Variants in MTAP observed in about 807,000 individuals in gnomAD.
MTAP encodes methylthioadenosine phosphorylase.
In MTAP, 33 loss-of-function variants were observed where a neutral mutation model predicts 33.6. The observed-to-expected ratio is 0.98, with a 90% CI of 0.74 to 1.31. The LOEUF (loss-of-function observed/expected upper bound fraction) is 1.31. Ranked by LOEUF, MTAP falls within the 40% of genes most tolerant of loss-of-function variation. The pLI, the probability that MTAP is intolerant of heterozygous loss-of-function variation, is 0.00. For synonymous variants in MTAP, 148 were observed against 125.7 expected (o/e 1.18, Z -1.19); for missense variants, 367 against 360.0 (o/e 1.02, Z -0.16).
intron 1 of MTAP, among the ~76,000 whole-genome samples, chr9:21,910,802 G>A (rs374036725): frequency 2.0e-5 from 3 of 151,860 alleles, no homozygotes; most frequent in Non-Finnish European, 2.9e-5. Context: ...TATTTCCATC[G>A]CTCTCCAAAA....
chr9:21,913,224 A>G (rs530280437), intron 1 of MTAP, among the ~76,000 whole-genome samples: 3 of 152,334 alleles, frequency 2.0e-5, no homozygotes, highest in Non-Finnish European at 4.4e-5. Flanking sequence ...TTATAAATTC[A>G]ATGCCATCCC....
In MTAP at chr9:21,866,988, AT is replaced by A. The variant is rs1240202200; in HGVS notation, c.*4979del. 2 of 152,114 alleles carry A rather than the reference AT, an allele frequency of 1.3e-5. No homozygotes were observed. The highest frequency in any genetic ancestry group is 2.9e-5 in the Non-Finnish European group (2 of 67,996). 9.4% of individuals were successfully genotyped at this position (152,114 alleles called of 1,614,324 possible). On this transcript the variant is annotated 3_prime_UTR_variant, in exon 8 of 8. Coordinates refer to ENST00000644715, the MANE Select transcript of MTAP (RefSeq NM_002451.4). The stretch of plus-strand genomic sequence containing the variant: ...TTACTGTAAATAGTACTTTAATTTC[AT>A]TTTTAAGTTTATTGCTGGTATACAG...
intron 4 of MTAP, among the ~76,000 whole-genome samples, chr9:21,830,188 T>C (rs1824931993): frequency 6.6e-6 from 1 of 152,224 alleles, no homozygotes; most frequent in Non-Finnish European, 1.5e-5. Flanking sequence ...GTCTAGAACT[T>C]AAATTCCAAA....
In MTAP at chr9:21,856,205, C is replaced by G. The variant is rs536808284; in HGVS notation, c.690+1335C>G. 100 of 984,850 alleles carry G rather than the reference C, an allele frequency of 1.0e-4. No individual in the cohort carries two copies. The Admixed American group carries it at 1.1e-3, about 11-fold the overall frequency. 61.0% of individuals were successfully genotyped at this position (984,850 alleles called of 1,614,324 possible). A position where few individuals can be genotyped will look rare whatever the true frequency, so the allele number is the denominator to read the frequency against. On this transcript the variant is annotated intron_variant, in intron 6 of 7. Coordinates refer to ENST00000644715, the MANE Select transcript of MTAP (RefSeq NM_002451.4). The stretch of plus-strand genomic sequence containing the variant: ...AAGTAAGGAAAACATTTAGGGGTGA[C>G]TTTCTGAGCACATTTAGGGTAAGTG...
Position 21,863,013 on chromosome 9 carries a change from G to A in MTAP, c.*999G>A. Reference sequence around the variant, plus strand: ...TTAAGTTGGTAATATTAAGGTGAATGTCATTTAAGGGAGTTACATCTTTAT... The same window carrying A: ...TTAAGTTGGTAATATTAAGGTGAATATCATTTAAGGGAGTTACATCTTTAT... On this transcript the variant is annotated 3_prime_UTR_variant, in exon 8 of 8. Coordinates refer to ENST00000644715, the MANE Select transcript of MTAP (RefSeq NM_002451.4). 1 of 985,084 alleles carries A rather than the reference G, an allele frequency of 1.0e-6. No homozygotes were observed. The highest frequency in any genetic ancestry group is 1.2e-6 in the Non-Finnish European group (1 of 829,620). 61.0% of individuals were successfully genotyped at this position (985,084 alleles called of 1,614,324 possible).
chr9:21,859,374 C>T lies in MTAP; in HGVS notation c.762C>T (p.Thr254=), dbSNP rs1201542012. 1 of 1,613,650 alleles carries T rather than the reference C, an allele frequency of 6.2e-7. No individual in the cohort carries two copies. The highest frequency in any genetic ancestry group is 8.5e-7 in the Non-Finnish European group (1 of 1,179,776). ...ANKAKSLLLT[T]IPQIGSTEWS... ...AAGCCAAAAGCTTACTGCTCACTAC[C>T]ATACCTCAGATAGGGTCCACAGAAT... Residue 254 remains threonine (T), a synonymous_variant, in exon 7 of 8, where the codon ACC becomes ACT. Transcript: ENST00000644715.
chr9:21,846,178 A>G (rs1190696126), intron 5 of MTAP, among the ~76,000 whole-genome samples: 3 of 152,154 alleles, frequency 2.0e-5, no homozygotes, highest in Non-Finnish European at 2.9e-5. Context: ...CATCGGAAAA[A>G]CCTATCTAGG....
At chr9:21,940,339 T>A (rs1394683584), downstream of MTAP, among the ~76,000 whole-genome samples, 1 of 152,232 alleles carries the variant, frequency 6.6e-6, no homozygotes, top group African/African-American at 2.4e-5. Flanking sequence ...TCAGGCCAAG[T>A]GTAACGGGAC....
chr9:21,899,721 C>G (rs1215658700), intron 1 of MTAP, among the ~76,000 whole-genome samples: 3 of 152,180 alleles, frequency 2.0e-5, no homozygotes, highest in African/African-American at 7.2e-5. Flanking sequence ...ATCCAATTAT[C>G]TCCACCTGGT....
At chr9:21,825,794 A>G (rs1824780561) in intron 4 of MTAP, among the ~76,000 whole-genome samples, 1 of 152,138 alleles carries the variant, frequency 6.6e-6, no homozygotes, top group East Asian at 1.9e-4. Flanking sequence ...TGATTCATGA[A>G]TGCACCACTA....
At chr9:21,841,128 C>T (rs1254682370) in intron 5 of MTAP, among the ~76,000 whole-genome samples, 1 of 152,210 alleles carries the variant, frequency 6.6e-6, no homozygotes, top group East Asian at 1.9e-4. Context: ...CCCAGAACCA[C>T]CTAACCCTGC....
intron 1 of MTAP, among the ~76,000 whole-genome samples, chr9:21,890,128 G>A (rs183064384): frequency 1.9e-4 from 29 of 152,160 alleles, no homozygotes; most frequent in African/African-American, 6.0e-4. Context: ...TGGCTGCTGT[G>A]GGGGATGGGG....
At chr9:21,860,896 C>T (rs149669478) in intron 7 of MTAP, 1 of 152,346 alleles carries the variant, frequency 6.6e-6, no homozygotes, top group Non-Finnish European at 1.5e-5. Context: ...GCATGGACCA[C>T]CATGCCCAGC....
intron 4 of MTAP, among the ~76,000 whole-genome samples, chr9:21,832,766 T>C (rs1297084434): frequency 6.6e-6 from 1 of 152,218 alleles, no homozygotes; most frequent in Admixed American, 6.5e-5. Context: ...CTATTAGGTG[T>C]CACAATCAGT....
intron 1 of MTAP, chr9:21,930,809 C>A: frequency 1.4e-6 from 1 of 701,814 alleles, no homozygotes; most frequent in South Asian, 1.7e-5. Flanking sequence ...AAAACAACAT[C>A]AGACAACTCC....
chr9:21,829,123 A>G (rs1264223496), intron 4 of MTAP, among the ~76,000 whole-genome samples: 1 of 152,186 alleles, frequency 6.6e-6, no homozygotes, highest in East Asian at 1.9e-4. Context: ...TGAGACGGGC[A>G]TCTCCTACCT....
intron 5 of MTAP, among the ~76,000 whole-genome samples, chr9:21,849,458 G>T (rs902718395): frequency 6.6e-6 from 1 of 152,162 alleles, no homozygotes; most frequent in Non-Finnish European, 1.5e-5. Flanking sequence ...TCTTATGGGT[G>T]CCTGGACTCA....
At chr9:21,936,084 TTC>T (rs1229190796), downstream of MTAP, 2 of 152,250 alleles carry the variant, frequency 1.3e-5, no homozygotes, top group Non-Finnish European at 2.9e-5. Context: ...TGTTTTCTAC[TTC>T]TTGTGCTGAT....
At chr9:21,859,589 G>T (rs1000453640) in intron 7 of MTAP, 164 bp downstream of exon 7, 5 of 684,176 alleles carry the variant, frequency 7.3e-6, no homozygotes, top group Middle Eastern at 4.1e-4. Flanking sequence ...TTGTGAAACT[G>T]AGTAGTCTTA....
Sources: gnomAD v4.1 joint callset for allele counts (sites outside exome capture counted in the v4.1 genomes callset) on GRCh38, gnomAD v4.1.1 for gene constraint, MANE v1.5 for transcripts, NCBI Gene and HGNC (gene_info 2026-07-23, HGNC 2026-07-21) for gene names.